Variants in CFAP69 observed in about 807,000 individuals in gnomAD.
CFAP69 encodes the protein cilia and flagella associated protein 69, also known as cilia- and flagella-associated protein 69.
CFAP69 carries 92 observed loss-of-function variants against 123.0 expected under a neutral mutation model. That is an observed-to-expected ratio of 0.75 (90% CI 0.63 to 0.89). The LOEUF is 0.89. CFAP69 is among the 40% of genes least tolerant of loss of function. CFAP69 has a pLI of 0.00. For synonymous variants in CFAP69, 380 were observed against 364.3 expected (o/e 1.04, Z -0.49); for missense variants, 1,067 against 1,096.9 (o/e 0.97, Z 0.39).
At chr7:90,249,412 A>G (rs926281487) in intron 1 of CFAP69, among the ~76,000 whole-genome samples, 1 of 152,196 alleles carries the variant, frequency 6.6e-6, no homozygotes, top group African/African-American at 2.4e-5. Flanking sequence ...TCTTCATAGC[A>G]GTGTGAAAAC....
chr7:90,304,452 C>T, intron 18 of CFAP69: 3 of 1,202,786 alleles, frequency 2.5e-6, no homozygotes, highest in Non-Finnish European at 3.1e-6. Context: ...AAAAGTTTAT[C>T]AAACACTCTT....
chr7:90,255,555 T>G (rs1315510606), intron 2 of CFAP69, 73 bp downstream of exon 2: 1 of 1,134,508 alleles, frequency 8.8e-7, no homozygotes, highest in Non-Finnish European at 1.3e-6. Context: ...TAACATATAT[T>G]CCTTCAAATG....
downstream of CFAP69, chr7:90,312,584 A>C (rs1794426510): frequency 6.6e-6 from 1 of 152,180 alleles, no homozygotes; most frequent in Admixed American, 6.5e-5. Flanking sequence ...TAATACAGAC[A>C]CTTGCACTTG....
rs1445838307 is a variant in CFAP69 at position 90,271,779 on chromosome 7, A to G, written c.683-2A>G. 4 of 1,571,698 alleles carry G rather than the reference A, an allele frequency of 2.5e-6. No homozygotes were observed. The highest frequency in any genetic ancestry group is 1.4e-5 in the African/African-American group (1 of 72,288). ...CAAATAATTTTTAAAATTTATTTTC[A>G]GAAGTTAATTGTACTATAATGATGA... On this transcript the variant is annotated splice_acceptor_variant, in intron 7 of 22. Transcript: ENST00000389297. LOFTEE classifies it high-confidence loss of function.
Position 90,288,219 on chromosome 7 carries a change from A to C in CFAP69, c.1657-15A>C. ...TTTATTTCAAGAAATAATTTAAAAC[A>C]AATATCTTAAACAGGAAATTTTCGG... is the stretch of plus-strand genomic sequence containing the variant. On this transcript the variant is annotated splice_polypyrimidine_tract_variant and intron_variant, in intron 14 of 22. Coordinates refer to ENST00000389297, the MANE Select transcript of CFAP69 (RefSeq NM_001039706.3). The C allele has an allele frequency of 1.3e-6, 2 of 1,584,408 alleles. No individual in the cohort carries two copies. Among genetic ancestry groups the C allele is most frequent in the Non-Finnish European group, 1.7e-6 (2 of 1,157,338 alleles).
intron 3 of CFAP69, among the ~76,000 whole-genome samples, chr7:90,259,259 A>C (rs1371148521): frequency 6.6e-6 from 1 of 152,048 alleles, no homozygotes; most frequent in East Asian, 1.9e-4. Context: ...CAAAAAAACA[A>C]ATAGCCAGGT....
chr7:90,309,498 T>C (rs1794064795), intron 22 of CFAP69, 131 bp downstream of exon 22: 1 of 448,472 alleles, frequency 2.2e-6, no homozygotes, highest in Non-Finnish European at 4.0e-6. Flanking sequence ...TTGAATTATA[T>C]CTCAATAAAA....
chr7:90,275,245 A>C (rs986453114), intron 9 of CFAP69, among the ~76,000 whole-genome samples: 1 of 152,134 alleles, frequency 6.6e-6, no homozygotes, highest in Non-Finnish European at 1.5e-5. Context: ...AGATTCTGGT[A>C]TACTCCTCTG....
At chr7:90,264,719 C>G (rs559394878) in intron 4 of CFAP69, among the ~76,000 whole-genome samples, 1 of 151,888 alleles carries the variant, frequency 6.6e-6, no homozygotes, top group African/African-American at 2.4e-5. Flanking sequence ...TTAACCTATG[C>G]CTTTTACATC....
At chr7:90,276,645 G>A (rs1788655958) in intron 9 of CFAP69, among the ~76,000 whole-genome samples, 1 of 152,182 alleles carries the variant, frequency 6.6e-6, no homozygotes, top group Non-Finnish European at 1.5e-5. Flanking sequence ...GACATAACAA[G>A]AATGGTTGGG....
At chr7:90,313,777 G>A (rs192321414), downstream of CFAP69, among the ~76,000 whole-genome samples, 160 of 152,276 alleles carry the variant, frequency 1.1e-3, no homozygotes, top group African/African-American at 3.5e-3. Context: ...AATGATTTAT[G>A]TAGATATTCC....
intron 14 of CFAP69, 160 bp downstream of exon 14, chr7:90,286,559 A>G (rs1790314286): frequency 6.1e-6 from 4 of 659,382 alleles, no homozygotes; most frequent in South Asian, 2.1e-5. Context: ...AGAATATACA[A>G]CAGTATACAC....
chr7:90,297,066 C>A (rs1792097343), intron 15 of CFAP69, among the ~76,000 whole-genome samples: 1 of 152,050 alleles, frequency 6.6e-6, no homozygotes. Context: ...CTTTGCAGGA[C>A]CATTTAAAAA....
intron 1 of CFAP69, among the ~76,000 whole-genome samples, chr7:90,254,134 A>C (rs1797359745): frequency 6.6e-6 from 1 of 152,150 alleles, no homozygotes; most frequent in South Asian, 2.1e-4. Flanking sequence ...TTTGTCAAAA[A>C]TGATTTGGCT....
intron 1 of CFAP69, among the ~76,000 whole-genome samples, chr7:90,246,355 T>C (rs1288593408): frequency 1.3e-5 from 2 of 152,180 alleles, no homozygotes; most frequent in Non-Finnish European, 2.9e-5. Flanking sequence ...GGAGGAACCC[T>C]GTCCTGCCTC....
rs367907075 is a variant in CFAP69, at chr7:90,304,722, G to A, written c.2189-22G>A. The A allele has an allele frequency of 3.1e-6, 5 of 1,595,552 alleles. No homozygotes were observed. In the Admixed American group the frequency reaches 7.0e-5, roughly 22 times the overall value. On this transcript the variant is annotated intron_variant, in intron 18 of 22. Transcript: ENST00000389297. ...TCACTTGCTCTGCTAAAGTAATTCT[G>A]TCTTTATAAACTTTATTTTAGATTT...
In CFAP69 at chr7:90,268,278, T is replaced by G. The variant is rs1799441152; in HGVS notation, c.434-8T>G. ...TTGTTAAATAGCACCTGTTTATCTT[T>G]CTGGCAGGTGACTTAATGAAAATAC... On this transcript the variant is annotated splice_region_variant and splice_polypyrimidine_tract_variant and intron_variant, in intron 5 of 22. Coordinates refer to ENST00000389297, the MANE Select transcript of CFAP69 (RefSeq NM_001039706.3). 1 of 1,584,496 alleles carries G rather than the reference T, an allele frequency of 6.3e-7. No individual in the cohort carries two copies. Among genetic ancestry groups the G allele is most frequent in the Non-Finnish European group, 8.6e-7 (1 of 1,160,264 alleles).
chr7:90,260,537 A>T (rs1020542198), intron 3 of CFAP69, among the ~76,000 whole-genome samples: 1 of 152,154 alleles, frequency 6.6e-6, no homozygotes, highest in Non-Finnish European at 1.5e-5. Context: ...GTCTCTAAAA[A>T]AAAGAAAAAA....
In CFAP69 at chr7:90,258,098, G is replaced by A; in HGVS notation, c.181G>A (p.Asp61Asn). The change falls in exon 3 of 23, where the codon GAT (aspartate) becomes AAT (asparagine). Residue 61 changes from aspartate (D) to asparagine (N), a missense_variant and splice_region_variant. Physicochemically the swap from Asp to Asn is conservative, Grantham distance 23. Coordinates refer to ENST00000389297, the MANE Select transcript of CFAP69 (RefSeq NM_001039706.3). Reference sequence around the variant, plus strand: ...AACTAAAATAGGTGATCTGTTTTAGGATGGCTTGGAAGAAAAACAACTTAA... The same window carrying A: ...AACTAAAATAGGTGATCTGTTTTAGAATGGCTTGGAAGAAAAACAACTTAA... ...VIKLLEETDK[D>N]GLEEKQLKFV... is the part of the protein sequence containing the mutation. The A allele has an allele frequency of 1.2e-6, 2 of 1,610,198 alleles. No homozygotes were observed. The highest frequency in any genetic ancestry group is 2.2e-5 in the East Asian group (1 of 44,710).
Sources: gnomAD v4.1 joint callset for allele counts (sites outside exome capture counted in the v4.1 genomes callset) on GRCh38, gnomAD v4.1.1 for gene constraint, MANE v1.5 for transcripts, NCBI Gene and HGNC (gene_info 2026-07-23, HGNC 2026-07-21) for gene names.